Variants in SUPT16H observed in about 807,000 individuals in gnomAD.
SUPT16H encodes SPT16 homolog, facilitates chromatin remodeling subunit, also known as FACT complex subunit SPT16.
SUPT16H carries 24 observed loss-of-function variants against 136.2 expected under a neutral mutation model. The observed-to-expected ratio is 0.18, with a 90% CI of 0.13 to 0.25. SUPT16H has a LOEUF of 0.25. SUPT16H is among the 10% of genes least tolerant of loss of function. The pLI, the probability that SUPT16H is intolerant of heterozygous loss-of-function variation, is 1.00. For missense variants in SUPT16H, 623 were observed against 1,270.2 expected (o/e 0.49, Z 7.74); for synonymous variants, 415 against 428.2 (o/e 0.97, Z 0.38).
rs1197410944 is a variant in SUPT16H at position 21,370,081 on chromosome 14, T to C, written c.484-185A>G. ...TTTGAAATAGCTCTTTGCCAGGTCA[T>C]TGTGTGTACTACAAGAGGTGTTAAG... On this transcript the variant is annotated intron_variant, in intron 4 of 25. Transcript: ENST00000216297. Among the ~76,000 whole-genome samples, 9 of 152,338 alleles carry C rather than the reference T, an allele frequency of 5.9e-5. No homozygotes were observed. In the South Asian group the frequency reaches 1.7e-3, roughly 28 times the overall value.
intron 1 of SUPT16H, among the ~76,000 whole-genome samples, chr14:21,375,589 T>G (rs1321151410): frequency 6.6e-6 from 1 of 152,104 alleles, no homozygotes; most frequent in African/African-American, 2.4e-5. Flanking sequence ...TGGTACAATT[T>G]ATCTATTTTC....
chr14:21,365,643 T>C (rs1248857424), intron 8 of SUPT16H, among the ~76,000 whole-genome samples: 1 of 152,238 alleles, frequency 6.6e-6, no homozygotes, highest in Non-Finnish European at 1.5e-5. Flanking sequence ...AAAGCTTTGT[T>C]TCCCAAAATG....
At chr14:21,355,754 G>T (rs1330002258) in intron 22 of SUPT16H, among the ~76,000 whole-genome samples, 1 of 151,800 alleles carries the variant, frequency 6.6e-6, no homozygotes, top group East Asian at 1.9e-4. Context: ...TGGGTAAGAA[G>T]AAAAAAATCA....
At chr14:21,359,361 G>A in intron 19 of SUPT16H, 123 bp downstream of exon 19, 1 of 1,387,896 alleles carries the variant, frequency 7.2e-7, no homozygotes, top group Non-Finnish European at 9.7e-7. Context: ...CTCCCAAAGT[G>A]CTGGGATTAC....
At position 21,353,764 on chromosome 14, in the gene SUPT16H, A is replaced by T. The variant is rs765228041; in HGVS notation, c.2859T>A (p.Asp953Glu). ...IEDETFNPSE[D>E]DYEEEEEDSD... ...TGTCCTCCTCTTCCTCTTCATAGTCATCTTCTGAAGGATTAAAAGTCTCAT... is the reference window on the plus strand; with the variant it reads ...TGTCCTCCTCTTCCTCTTCATAGTCTTCTTCTGAAGGATTAAAAGTCTCAT... The change falls in exon 24 of 26, where the codon GAT becomes GAA. Residue 953 changes from aspartate to glutamate, a missense_variant. This residue lies in a region of SUPT16H where 88 missense variants were observed against 135.5 expected (regional missense o/e 0.65). Transcript: ENST00000216297. The T allele has an allele frequency of 8.1e-6, 13 of 1,613,942 alleles. No individual in the cohort carries two copies. Among genetic ancestry groups the T allele is most frequent in the Admixed American group, 1.7e-5 (1 of 59,974 alleles).
Position 21,357,265 on chromosome 14 carries a change from G to A in SUPT16H, c.2592C>T (p.Tyr864=). ...CGTTGATCATGGTCACTTTCTTGCT[G>A]TAGTCCTTGTAGACGATTACCATAT... The part of the protein sequence containing the change: ...NFDMVIVYKD[Y]SKKVTMINAI... The change falls in exon 22 of 26, where the codon TAC becomes TAT. Residue 864 remains tyrosine, a synonymous_variant. Coordinates refer to ENST00000216297, the MANE Select transcript of SUPT16H (RefSeq NM_007192.4). The A allele has an allele frequency of 1.2e-6, 2 of 1,613,404 alleles. No homozygotes were observed. The highest frequency in any genetic ancestry group is 1.7e-6 in the Non-Finnish European group (2 of 1,179,636).
At chr14:21,372,714 A>C (rs1326909009) in intron 2 of SUPT16H, 1 of 446,828 alleles carries the variant, frequency 2.2e-6, no homozygotes, top group Non-Finnish European at 4.5e-6. Flanking sequence ...TGGGTCCCTG[A>C]AGACTATACA....
At position 21,383,941 on chromosome 14, in the gene SUPT16H, G is replaced by A. The variant is rs764961572; in HGVS notation, c.-14C>T. ...AGTCACAGCCATAGCCCCGGACGCC[G>A]CTTCTCCTCGGGTTCCGAGAATCAC... On this transcript the variant is annotated 5_prime_UTR_variant, in exon 1 of 26. Transcript: ENST00000216297. 11 of 1,612,166 alleles carry A rather than the reference G, an allele frequency of 6.8e-6. No homozygotes were observed. The African/African-American group carries it at 1.3e-4, about 20-fold the overall frequency.
At chr14:21,373,292 A>G (rs1886827511) in intron 2 of SUPT16H, 46 bp downstream of exon 2, 2 of 1,425,234 alleles carry the variant, frequency 1.4e-6, no homozygotes, top group African/African-American at 2.8e-5. Flanking sequence ...AGTGCAGTAG[A>G]TAATCCAACA....
chr14:21,368,231 T>G, intron 7 of SUPT16H, 38 bp downstream of exon 7: 1 of 1,581,872 alleles, frequency 6.3e-7, no homozygotes, highest in Admixed American at 1.7e-5. Flanking sequence ...ACATTTTTGT[T>G]ACACAACTTT....
intron 6 of SUPT16H, 100 bp from the exon 7 acceptor site, chr14:21,368,541 A>G: frequency 4.5e-6 from 6 of 1,325,002 alleles, no homozygotes; most frequent in Non-Finnish European, 6.0e-6. Flanking sequence ...TTTCCCTGCC[A>G]TATCCCAAAG....
intron 14 of SUPT16H, 119 bp downstream of exon 14, chr14:21,362,675 G>C: frequency 8.4e-7 from 1 of 1,189,852 alleles, no homozygotes. Context: ...GTCAGTAACT[G>C]AACAGAGTCT....
intron 1 of SUPT16H, among the ~76,000 whole-genome samples, chr14:21,376,661 A>C (rs1334439869): frequency 6.6e-6 from 1 of 152,162 alleles, no homozygotes; most frequent in Non-Finnish European, 1.5e-5. Flanking sequence ...TGTATGAGTC[A>C]AGGTAGTGGC....
intron 10 of SUPT16H, among the ~76,000 whole-genome samples, chr14:21,364,231 C>CTT (rs56237072): frequency 6.6e-6 from 1 of 152,060 alleles, no homozygotes; most frequent in Non-Finnish European, 1.5e-5. Flanking sequence ...AAAATCAGTT[C>CTT]GCTGAGGGAA....
At chr14:21,364,764 G>T in intron 10 of SUPT16H, 63 bp downstream of exon 10, 1 of 1,424,324 alleles carries the variant, frequency 7.0e-7, no homozygotes, top group South Asian at 1.2e-5. Context: ...AAAACCACAG[G>T]GTCCACAAAC....
chr14:21,376,183 GATTT>G (rs1386066410), intron 1 of SUPT16H, among the ~76,000 whole-genome samples: 3 of 152,066 alleles, frequency 2.0e-5, no homozygotes, highest in African/African-American at 7.2e-5. Flanking sequence ...TAAATGTGAG[GATTT>G]ATTTCTGAAT....
chr14:21,360,542 A>G lies in SUPT16H; in HGVS notation c.2057-9T>C. 1 of 1,601,956 alleles carries G rather than the reference A, an allele frequency of 6.2e-7. No homozygotes were observed. The highest frequency in any genetic ancestry group is 1.1e-5 in the South Asian group (1 of 90,046). ...AGATGTGAAGCGGAAGCCTGGGGAA[A>G]AGAATGAAGAAATGTCAAGCAGTAT... On this transcript the variant is annotated splice_polypyrimidine_tract_variant and intron_variant, in intron 17 of 25. Transcript: ENST00000216297.
chr14:21,383,696 G>A (rs745737969), intron 1 of SUPT16H, 166 bp downstream of exon 1: 2 of 761,080 alleles, frequency 2.6e-6, no homozygotes, highest in South Asian at 1.5e-5. Flanking sequence ...CCTGTTAAGG[G>A]GCAGCGTTCG....
chr14:21,360,380 C>G (rs746647963), intron 18 of SUPT16H, 35 bp downstream of exon 18: 2 of 1,484,298 alleles, frequency 1.3e-6, no homozygotes, highest in South Asian at 1.2e-5. Flanking sequence ...GTGTCTTGCC[C>G]AAGAGCTGAC....
Sources: gnomAD v4.1 joint callset for allele counts (sites outside exome capture counted in the v4.1 genomes callset) on GRCh38, gnomAD v4.1.1 for gene constraint, gnomAD v4.1.1 regional missense constraint, MANE v1.5 for transcripts, NCBI Gene and HGNC (gene_info 2026-07-23, HGNC 2026-07-21) for gene names.